Variants in CADM2 observed in about 807,000 individuals in gnomAD.
CADM2 encodes cell adhesion molecule 2, also known as immunoglobulin superfamily member 4D.
CADM2 carries 12 observed loss-of-function variants against 49.8 expected under a neutral mutation model. The observed-to-expected ratio is 0.24, with a 90% CI of 0.15 to 0.39. The LOEUF (loss-of-function observed/expected upper bound fraction) is 0.39. Ranked by LOEUF, CADM2 falls within the 10% of genes least tolerant of loss-of-function variation. The pLI, the probability that CADM2 is intolerant of heterozygous loss-of-function variation, is 1.00. For missense variants in CADM2, 378 were observed against 492.3 expected, an observed-to-expected ratio of 0.77 and a Z score of 2.20; for synonymous variants, 214 against 175.4, an observed-to-expected ratio of 1.22 and a Z score of -1.74.
chr3:85,827,978 A>G (rs941193850), intron 3 of CADM2: 1 of 151,940 alleles, frequency 6.6e-6, no homozygotes, highest in African/African-American at 2.4e-5. Context: ...AAGAGGCAGA[A>G]TAGAGAAGTA....
intron 1 of CADM2, among the ~76,000 whole-genome samples, chr3:85,573,819 C>T (rs528114521): frequency 6.0e-4 from 92 of 152,258 alleles, no homozygotes; most frequent in Non-Finnish European, 1.1e-3. Context: ...AATGTCTAAT[C>T]ACTTTAATTA....
chr3:85,959,132 G>A lies in CADM2; in HGVS notation c.792-2337G>A, dbSNP rs371983286. 2.4e-4 allele frequency among the ~76,000 whole-genome samples: 33 copies of A among 134,984 alleles called. No individual in the cohort carries two copies. In the East Asian group the frequency reaches 5.0e-3, roughly 20 times the overall value. The allele number at this position is 134,984 out of a possible 152,430, so 88.6% of individuals were successfully genotyped here. On this transcript the variant is annotated intron_variant, in intron 7 of 9. Coordinates refer to ENST00000383699, the MANE Select transcript of CADM2 (RefSeq NM_001167675.2). ...TCTATATCTATATAGCTATATAGCT[G>A]TATATCTTTATCTATCTATCTCTCT... is the stretch of plus-strand genomic sequence containing the variant.
chr3:85,666,143 T>C (rs1015126948), intron 1 of CADM2, among the ~76,000 whole-genome samples: 9 of 151,974 alleles, frequency 5.9e-5, no homozygotes, highest in African/African-American at 1.7e-4. Flanking sequence ...CATTCACAAT[T>C]TCTACAAACA....
intron 1 of CADM2, among the ~76,000 whole-genome samples, chr3:85,550,978 G>A (rs77340318): frequency 1.0e-4 from 12 of 115,276 alleles, no homozygotes; most frequent in East Asian, 3.2e-4. Flanking sequence ...TTGTTTGTTT[G>A]TTTATTTATT....
At chr3:85,351,144 G>A (rs1009563044) in intron 1 of CADM2, among the ~76,000 whole-genome samples, 2 of 151,992 alleles carry the variant, frequency 1.3e-5, no homozygotes, top group Non-Finnish European at 1.5e-5. Context: ...ACTGTTTGAT[G>A]AACTATATTC....
At chr3:85,846,927 A>T (rs2074908028) in intron 3 of CADM2, among the ~76,000 whole-genome samples, 1 of 152,158 alleles carries the variant, frequency 6.6e-6, no homozygotes, top group Admixed American at 6.6e-5. Flanking sequence ...AGTGAATATG[A>T]TGACAAGCAT....
intron 1 of CADM2, among the ~76,000 whole-genome samples, chr3:85,680,865 C>T (rs1164322241): frequency 6.6e-6 from 1 of 152,138 alleles, no homozygotes; most frequent in African/African-American, 2.4e-5. Context: ...TGTTCCTTTG[C>T]TCTCTTGCCA....
intron 1 of CADM2, among the ~76,000 whole-genome samples, chr3:85,324,783 C>G (rs1281216269): frequency 1.3e-5 from 2 of 152,128 alleles, no homozygotes; most frequent in Non-Finnish European, 2.9e-5. Flanking sequence ...CACTTAAAAC[C>G]ACATCGTGTG....
intron 1 of CADM2, among the ~76,000 whole-genome samples, chr3:85,263,330 A>C (rs2043054312): frequency 6.6e-6 from 1 of 152,102 alleles, no homozygotes; most frequent in Non-Finnish European, 1.5e-5. Flanking sequence ...ACCATAACCT[A>C]TGCCTCTGAG....
At chr3:85,986,665 G>A (rs1728150234) in intron 8 of CADM2, among the ~76,000 whole-genome samples, 1 of 151,942 alleles carries the variant, frequency 6.6e-6, no homozygotes, top group South Asian at 2.1e-4. Context: ...ATTTTCACTA[G>A]TCTTTTAAAA....
chr3:85,865,360 T>C (rs553345233), intron 3 of CADM2, among the ~76,000 whole-genome samples: 1 of 152,264 alleles, frequency 6.6e-6, no homozygotes, highest in East Asian at 1.9e-4. Flanking sequence ...AAAAGATTGG[T>C]CCTCCAAATA....
chr3:84,973,412 A>G (rs1187547575), intron 1 of CADM2, among the ~76,000 whole-genome samples: 1 of 152,116 alleles, frequency 6.6e-6, no homozygotes, highest in African/African-American at 2.4e-5. Context: ...TATCCTGAAA[A>G]CGTTCTCAGT....
intron 3 of CADM2, among the ~76,000 whole-genome samples, chr3:85,880,765 C>T (rs1712636669): frequency 6.6e-6 from 1 of 152,142 alleles, no homozygotes. Context: ...GTTCACTCTC[C>T]TATGAGAAAT....
chr3:85,381,553 G>A (rs967926651), intron 1 of CADM2, among the ~76,000 whole-genome samples: 1 of 146,680 alleles, frequency 6.8e-6, no homozygotes, highest in African/African-American at 2.5e-5. Flanking sequence ...TTATTTTTAA[G>A]ACTGTAGTAA....
At chr3:85,419,460 A>G (rs1309056299) in intron 1 of CADM2, among the ~76,000 whole-genome samples, 14 of 7,076 alleles carry the variant, frequency 2.0e-3, no homozygotes, top group East Asian at 0.12. Context: ...TCCGTCTCGA[A>G]AAAAAAAAAA....
At chr3:85,344,973 C>T (rs1449065518) in intron 1 of CADM2, among the ~76,000 whole-genome samples, 1 of 152,092 alleles carries the variant, frequency 6.6e-6, no homozygotes, top group Non-Finnish European at 1.5e-5. Flanking sequence ...AGCAATCTAA[C>T]ACTATCTGAT....
chr3:85,412,030 G>T (rs2035679080), intron 1 of CADM2, among the ~76,000 whole-genome samples: 1 of 152,102 alleles, frequency 6.6e-6, no homozygotes, highest in Non-Finnish European at 1.5e-5. Context: ...GTTTAGCCAT[G>T]TTGGCCAGAC....
chr3:85,731,773 T>C (rs1207758799), intron 2 of CADM2, among the ~76,000 whole-genome samples: 1 of 151,910 alleles, frequency 6.6e-6, no homozygotes, highest in Admixed American at 6.6e-5. Context: ...TATTAAATAA[T>C]TTCAACCACA....
intron 1 of CADM2, among the ~76,000 whole-genome samples, chr3:85,031,650 G>A (rs1372401672): frequency 6.6e-6 from 1 of 152,206 alleles, no homozygotes; most frequent in East Asian, 1.9e-4. Flanking sequence ...GAGTAGCTGG[G>A]ACTACAGGCA....
Sources: allele counts gnomAD v4.1 joint callset (sites outside exome capture counted in the v4.1 genomes callset), GRCh38; gene constraint gnomAD v4.1.1; transcripts MANE v1.5; gene names NCBI Gene and HGNC (gene_info 2026-07-23, HGNC 2026-07-21).